ROS1: variants seen among roughly 807,000 people sequenced by gnomAD.
ROS1 encodes the protein ROS proto-oncogene 1, receptor tyrosine kinase, also known as proto-oncogene tyrosine-protein kinase ROS.
Under a neutral mutation model 273.5 loss-of-function variants are expected in ROS1, and 263 were observed. The observed-to-expected ratio is 0.96, with a 90% CI of 0.87 to 1.06. ROS1 has a LOEUF of 1.06. Among genes scored for constraint, ROS1 ranks in the 50% least tolerant of loss-of-function variants. ROS1 has a pLI of 0.00. For missense variants in ROS1, 2,833 were observed against 2,751.1 expected (o/e 1.03, Z -0.67); for synonymous variants, 1,008 against 954.1 (o/e 1.06, Z -1.04).
At chr6:117,404,720 TTC>T (rs1268058109) in intron 5 of ROS1, among the ~76,000 whole-genome samples, 2 of 152,230 alleles carry the variant, frequency 1.3e-5, no homozygotes, top group African/African-American at 2.4e-5. Flanking sequence ...CTGTCCAGTT[TTC>T]TCTTTCAATA....
At position 117,362,869 on chromosome 6, in the gene ROS1, A is replaced by T. The variant is rs1472917672; in HGVS notation, c.3104-4T>A. On this transcript the variant is annotated splice_region_variant and splice_polypyrimidine_tract_variant and intron_variant, in intron 21 of 43. Transcript: ENST00000368507. ...GGGTTCTCTGGTGCTGATGGAACTG[A>T]AAAGTAGAGGCACAGGTAGAGCAGA... is the stretch of plus-strand genomic sequence containing the variant. The T allele has an allele frequency of 6.2e-7, 1 of 1,606,772 alleles. No homozygotes were observed. The highest frequency in any genetic ancestry group is 1.3e-5 in the African/African-American group (1 of 74,634).
chr6:117,401,372 G>A (rs936553935), intron 7 of ROS1, among the ~76,000 whole-genome samples: 1 of 152,140 alleles, frequency 6.6e-6, no homozygotes, highest in Non-Finnish European at 1.5e-5. Context: ...AATAAAATCT[G>A]TACTCCTTAT....
At chr6:117,363,675 A>G (rs1325733756) in intron 21 of ROS1, among the ~76,000 whole-genome samples, 2 of 152,142 alleles carry the variant, frequency 1.3e-5, no homozygotes, top group African/African-American at 4.8e-5. Flanking sequence ...AGAGTGCACT[A>G]AAGTTTCCAT....
intron 32 of ROS1, among the ~76,000 whole-genome samples, chr6:117,336,056 T>C (rs1359412163): frequency 6.6e-6 from 1 of 152,202 alleles, no homozygotes; most frequent in Non-Finnish European, 1.5e-5. Context: ...ATTTGATGAA[T>C]TGGTGATAAG....
In ROS1 at chr6:117,341,390, C is replaced by G. The variant is rs1192610855; in HGVS notation, c.4884+10G>C. ...ATGACAATAAAGAGTGCCTAGTAAA[C>G]TCACTGTACCTTTAACACATAAATA... is the stretch of plus-strand genomic sequence containing the variant. On this transcript the variant is annotated intron_variant, in intron 30 of 43. Coordinates refer to ENST00000368507, the MANE Select transcript of ROS1 (RefSeq NM_001378902.1). The G allele has an allele frequency of 6.2e-7, 1 of 1,612,418 alleles. No individual in the cohort carries two copies. The highest frequency in any genetic ancestry group is 1.3e-5 in the African/African-American group (1 of 75,004).
Position 117,359,921 on chromosome 6 carries a change from GA to G in ROS1, c.3520del (p.Ser1174GlnfsTer64). 6.2e-7 allele frequency: 1 copy of G among 1,613,770 alleles called. No homozygotes were observed. The highest frequency in any genetic ancestry group is 1.1e-5 in the South Asian group (1 of 91,078). On this transcript the variant is annotated frameshift_variant, in exon 24 of 44. Coordinates refer to ENST00000368507, the MANE Select transcript of ROS1 (RefSeq NM_001378902.1). LOFTEE classifies it high-confidence loss of function. ...MDQNQVVWTF[S>X]AERVISAVCY... ...AACGGCACTGATAACTCTTTCTGCTGAAAACGTCCACACAACTTGATTTTGA... is the reference window on the plus strand; with the variant it reads ...AACGGCACTGATAACTCTTTCTGCTGAAACGTCCACACAACTTGATTTTGA...
chr6:117,391,683 T>C (rs921827775), intron 12 of ROS1, among the ~76,000 whole-genome samples: 10 of 152,124 alleles, frequency 6.6e-5, no homozygotes, highest in African/African-American at 2.4e-4. Flanking sequence ...TATCATGGTA[T>C]AGAGAGATGG....
intron 43 of ROS1, among the ~76,000 whole-genome samples, chr6:117,300,239 C>T (rs187931826): frequency 1.4e-4 from 21 of 151,714 alleles, no homozygotes; most frequent in African/African-American, 4.8e-4. Context: ...GCGTGAGCCA[C>T]CGCACCCGGC....
At position 117,396,975 on chromosome 6, in the gene ROS1, T is replaced by A. The variant is rs780637099; in HGVS notation, c.746A>T (p.Asp249Val). The change falls in exon 8 of 44, where the codon GAT becomes GTT. Residue 249 changes from aspartate (D) to valine (V), a missense_variant. Coordinates refer to ENST00000368507, the MANE Select transcript of ROS1 (RefSeq NM_001378902.1). ...LRLISKNQKL[D>V]AGTQRTSFQF... Reference sequence around the variant, plus strand: ...GAAACTGGTTCTCTGTGTCCCTGCATCTAATTTTTGATTTTTGCTGATCAG... The same window carrying A: ...GAAACTGGTTCTCTGTGTCCCTGCAACTAATTTTTGATTTTTGCTGATCAG... 1.2e-6 allele frequency: 2 copies of A among 1,614,160 alleles called. No homozygotes were observed. The highest frequency in any genetic ancestry group is 3.3e-5 in the Admixed American group (2 of 60,032).
In ROS1 at chr6:117,366,196, T is replaced by C. The variant is rs1780215163; in HGVS notation, c.2677A>G (p.Ile893Val). 6.2e-7 allele frequency: 1 copy of C among 1,614,072 alleles called. No homozygotes were observed. The highest frequency in any genetic ancestry group is 1.3e-5 in the African/African-American group (1 of 75,030). The change falls in exon 19 of 44, where the codon ATC (isoleucine) becomes GTC (valine). Residue 893 changes from isoleucine (I) to valine (V), a missense_variant. Coordinates refer to ENST00000368507, the MANE Select transcript of ROS1 (RefSeq NM_001378902.1). ...LMYYSGRLFW[I>V]NGFRIITTQE... is the part of the protein sequence containing the mutation. Reference sequence around the variant, plus strand: ...GTTGTGATAATCCTAAAGCCATTGATCCAGAACAGCCGACCACTATAGTAC... The same window carrying C: ...GTTGTGATAATCCTAAAGCCATTGACCCAGAACAGCCGACCACTATAGTAC...
chr6:117,319,225 G>A (rs592757), intron 37 of ROS1, among the ~76,000 whole-genome samples: 14,401 of 152,096 alleles, frequency 0.095, 876 homozygotes, highest in Middle Eastern at 0.14. Context: ...AGTATACTAT[G>A]ATAAATAATC....
chr6:117,300,812 A>AT lies in ROS1; in HGVS notation c.6715+161dup, dbSNP rs577111911. Reference sequence around the variant, plus strand: ...TTCAATTTAGTGCATAATACAAATAATTTTCAAAGAGGAATGCAATAAACA... The same window carrying AT: ...TTCAATTTAGTGCATAATACAAATAATTTTTCAAAGAGGAATGCAATAAACA... On this transcript the variant is annotated intron_variant, in intron 43 of 43. Coordinates refer to ENST00000368507, the MANE Select transcript of ROS1 (RefSeq NM_001378902.1). Among the ~76,000 whole-genome samples the AT allele has an allele frequency of 9.8e-5, 15 of 152,342 alleles. No homozygotes were observed. In the South Asian group the frequency reaches 3.1e-3, roughly 32 times the overall value.
chr6:117,320,860 T>C (rs773495363), intron 36 of ROS1, among the ~76,000 whole-genome samples: 41 of 152,134 alleles, frequency 2.7e-4, no homozygotes, highest in Non-Finnish European at 5.4e-4. Context: ...TGGGCAATCA[T>C]CACACAACTT....
At position 117,387,965 on chromosome 6, in the gene ROS1, T is replaced by C. The variant is rs750770442; in HGVS notation, c.1814A>G (p.Tyr605Cys). Residue 605 changes from tyrosine (Y) to cysteine (C), a missense_variant, in exon 14 of 44, where the codon TAT (tyrosine) becomes TGT (cysteine). Tyr to Cys is a radical substitution (Grantham distance 194). Coordinates refer to ENST00000368507, the MANE Select transcript of ROS1 (RefSeq NM_001378902.1). ...GTCTTGGGTGGATACTTTCACCTCA[T>C]AGGTCCAGTTCTGCCAGGCAGAAGG... ...ASPSAWQNWT[Y>C]EVKVSTQDPP... The C allele has an allele frequency of 3.7e-6, 6 of 1,614,166 alleles. No homozygotes were observed. Among genetic ancestry groups the C allele is most frequent in the South Asian group, 2.2e-5 (2 of 91,086 alleles).
In ROS1 at chr6:117,341,230, G is replaced by C. The variant is rs141772440; in HGVS notation, c.4966C>G (p.Pro1656Ala). Residue 1656 changes from proline to alanine, a missense_variant, in exon 31 of 44, where the codon CCT becomes GCT. Physicochemically the swap from Pro to Ala is conservative, Grantham distance 27 (BLOSUM62 -1). Coordinates refer to ENST00000368507, the MANE Select transcript of ROS1 (RefSeq NM_001378902.1). ...TVEMFNTPEKPYSLVPENTSL... is the reference protein window; with the variant it reads ...TVEMFNTPEKAYSLVPENTSL... ...GTGTTCTCTGGAACCAAGGAATAAG[G>C]TTTCTCTGGTGTGTTAAACATTTCC... 1 of 1,613,332 alleles carries C rather than the reference G, an allele frequency of 6.2e-7. No homozygotes were observed. The highest frequency in any genetic ancestry group is 1.1e-5 in the South Asian group (1 of 91,058).
intron 5 of ROS1, among the ~76,000 whole-genome samples, chr6:117,404,644 C>T (rs1774252053): frequency 6.6e-6 from 1 of 152,168 alleles, no homozygotes; most frequent in African/African-American, 2.4e-5. Flanking sequence ...TTATTGTTAT[C>T]TTTGAACACA....
chr6:117,329,806 G>A (rs552828858), intron 32 of ROS1, among the ~76,000 whole-genome samples: 3 of 152,274 alleles, frequency 2.0e-5, no homozygotes, highest in African/African-American at 7.2e-5. Context: ...ACCCAGCCGG[G>A]GAAATTGCTT....
In ROS1 at chr6:117,366,159, C is replaced by A. The variant is rs371677605; in HGVS notation, c.2714G>T (p.Gly905Val). 5.6e-6 allele frequency: 9 copies of A among 1,614,084 alleles called. No homozygotes were observed. The highest frequency in any genetic ancestry group is 1.6e-4 in the Middle Eastern group (1 of 6,062). The change falls in exon 19 of 44, where the codon GGT becomes GTT. Residue 905 changes from glycine to valine, a missense_variant. Coordinates refer to ENST00000368507, the MANE Select transcript of ROS1 (RefSeq NM_001378902.1). ...GFRIITTQEI[G>V]QKTSVSVLEP... Reference sequence around the variant, plus strand: ...CAAAACAGAGACACTGGTTTTCTGACCTATTTCTTGAGTTGTGATAATCCT... The same window carrying A: ...CAAAACAGAGACACTGGTTTTCTGAACTATTTCTTGAGTTGTGATAATCCT...
At chr6:117,371,117 G>A (rs9320594) in intron 18 of ROS1, among the ~76,000 whole-genome samples, 86,701 of 151,994 alleles carry the variant, frequency 0.57, 25,402 homozygotes, top group African/African-American at 0.7. Context: ...TGGACAGAGC[G>A]GCATGTGGAG....
Sources: allele counts gnomAD v4.1 joint callset (sites outside exome capture counted in the v4.1 genomes callset), GRCh38; gene constraint gnomAD v4.1.1; transcripts MANE v1.5; gene names NCBI Gene and HGNC (gene_info 2026-07-23, HGNC 2026-07-21).